SCRN1: variants seen among roughly 807,000 people sequenced by gnomAD.
SCRN1 encodes secernin 1.
In SCRN1, 19 loss-of-function variants were observed where a neutral mutation model predicts 43.3. The ratio of observed to expected loss-of-function variants is 0.44; its 90% CI spans 0.31 to 0.64. The LOEUF is 0.64. Ranked by LOEUF, SCRN1 falls within the 30% of genes least tolerant of loss-of-function variation. The pLI, the probability that SCRN1 is intolerant of heterozygous loss-of-function variation, is 0.09. For synonymous variants in SCRN1, 183 were observed against 188.9 expected (o/e 0.97, Z 0.26); for missense variants, 447 against 524.1 (o/e 0.85, Z 1.44).
chr7:29,947,080 C>T (rs1787759559), intron 3 of SCRN1: 2 of 1,279,670 alleles, frequency 1.6e-6, no homozygotes, highest in Non-Finnish European at 2.1e-6. Flanking sequence ...CTGGGCAGGA[C>T]CAGGACAGGG....
chr7:29,959,416 G>A (rs765210045), intron 2 of SCRN1, among the ~76,000 whole-genome samples: 3 of 152,072 alleles, frequency 2.0e-5, no homozygotes, highest in East Asian at 1.9e-4. Context: ...TTATATATGT[G>A]TGTGTGTGTA....
At chr7:29,967,689 A>G (rs1788541411) in intron 2 of SCRN1, among the ~76,000 whole-genome samples, 1 of 152,214 alleles carries the variant, frequency 6.6e-6, no homozygotes, top group Admixed American at 6.5e-5. Flanking sequence ...ACTACTTAAC[A>G]TAAAACCCGA....
At chr7:29,926,720 C>G in intron 6 of SCRN1, 88 bp from the exon 7 acceptor site, 1 of 1,259,486 alleles carries the variant, frequency 7.9e-7, no homozygotes, top group Non-Finnish European at 1.1e-6. Flanking sequence ...CAAACATTTC[C>G]CAAGCCAACT....
chr7:29,967,003 CA>C (rs1788518752), intron 2 of SCRN1, among the ~76,000 whole-genome samples: 2 of 151,808 alleles, frequency 1.3e-5, no homozygotes, highest in African/African-American at 4.8e-5. Flanking sequence ...AAAGAAAATA[CA>C]AATTGATGAA....
At chr7:29,924,393 C>T (rs1333954942) in intron 7 of SCRN1, among the ~76,000 whole-genome samples, 1 of 152,250 alleles carries the variant, frequency 6.6e-6, no homozygotes, top group East Asian at 1.9e-4. Context: ...TCCAAGACCA[C>T]TTCCCCTGCA....
At chr7:29,986,843 G>A (rs1789175967) in intron 1 of SCRN1, among the ~76,000 whole-genome samples, 1 of 147,992 alleles carries the variant, frequency 6.8e-6, no homozygotes, top group African/African-American at 2.5e-5. Context: ...TCCTGCCTCA[G>A]CCTCCCAAGT....
chr7:29,962,709 AATAAC>A (rs984937263), intron 2 of SCRN1, among the ~76,000 whole-genome samples: 1 of 147,382 alleles, frequency 6.8e-6, no homozygotes, highest in African/African-American at 2.7e-5. Flanking sequence ...AATAAAATAA[AATAAC>A]ATAAAATAAC....
intron 3 of SCRN1, among the ~76,000 whole-genome samples, chr7:29,949,337 A>C (rs1583668527): frequency 7.0e-6 from 1 of 142,556 alleles, no homozygotes; most frequent in South Asian, 2.3e-4. Context: ...AAAAAAGGGC[A>C]CCCTAACAAC....
chr7:29,970,478 T>C (rs1788634059), intron 1 of SCRN1, among the ~76,000 whole-genome samples: 1 of 152,202 alleles, frequency 6.6e-6, no homozygotes, highest in Non-Finnish European at 1.5e-5. Context: ...TACACTCTCA[T>C]AGAATCCTGT....
chr7:29,955,762 G>A (rs1338233267), intron 2 of SCRN1, among the ~76,000 whole-genome samples: 1 of 152,202 alleles, frequency 6.6e-6, no homozygotes, highest in Non-Finnish European at 1.5e-5. Context: ...GCAGGTAAAA[G>A]GGAAGATCTT....
intron 1 of SCRN1, among the ~76,000 whole-genome samples, chr7:29,972,896 T>C (rs1788708353): frequency 6.6e-6 from 1 of 152,232 alleles, no homozygotes; most frequent in Non-Finnish European, 1.5e-5. Context: ...TTCCATTTTA[T>C]TCAAAACGTA....
chr7:29,982,139 T>C lies in SCRN1; in HGVS notation c.-2+7503A>G, dbSNP rs574613200. 2.0e-5 allele frequency among the ~76,000 whole-genome samples: 3 copies of C among 152,364 alleles called. No individual in the cohort carries two copies. In the South Asian group the frequency reaches 6.2e-4, roughly 32 times the overall value. On this transcript the variant is annotated intron_variant, in intron 1 of 7. Coordinates refer to ENST00000242059, the MANE Select transcript of SCRN1 (RefSeq NM_014766.5). ...ACTTTTAAAAAATTGACAAAGTGTT[T>C]CCAGTGTTCCTCTGGGTCTGTGATT...
intron 1 of SCRN1, among the ~76,000 whole-genome samples, chr7:29,975,709 G>T (rs1232464796): frequency 6.6e-6 from 1 of 152,180 alleles, no homozygotes; most frequent in Non-Finnish European, 1.5e-5. Context: ...CAGGCTAAAA[G>T]GGCAGGTCTG....
chr7:29,924,298 G>T (rs996506722), intron 7 of SCRN1, among the ~76,000 whole-genome samples, 183 bp from the exon 8 acceptor site: 1 of 152,148 alleles, frequency 6.6e-6, no homozygotes, highest in Non-Finnish European at 1.5e-5. Flanking sequence ...GTCACTGCCC[G>T]GCTTAGAACA....
chr7:29,954,841 C>T (rs563639879), intron 3 of SCRN1, among the ~76,000 whole-genome samples: 7 of 152,192 alleles, frequency 4.6e-5, no homozygotes, highest in Non-Finnish European at 7.4e-5. Context: ...GCACCACGTT[C>T]GGCTAATTTT....
chr7:29,966,363 G>A (rs1043113849), intron 2 of SCRN1, among the ~76,000 whole-genome samples: 2 of 152,190 alleles, frequency 1.3e-5, no homozygotes, highest in Non-Finnish European at 2.9e-5. Flanking sequence ...CTTCACACTG[G>A]AAGAAGGGCA....
chr7:29,978,932 A>C, intron 1 of SCRN1, among the ~76,000 whole-genome samples: 1 of 152,270 alleles, frequency 6.6e-6, no homozygotes, highest in East Asian at 1.9e-4. Flanking sequence ...GGAAATATAG[A>C]GTTCAACGGA....
intron 2 of SCRN1, among the ~76,000 whole-genome samples, chr7:29,964,973 G>T (rs1788441944): frequency 6.7e-6 from 1 of 149,438 alleles, no homozygotes; most frequent in African/African-American, 2.5e-5. Context: ...TATATATACT[G>T]TGTCAATATT....
intron 6 of SCRN1, among the ~76,000 whole-genome samples, chr7:29,928,342 C>T (rs1583648432): frequency 6.6e-6 from 1 of 152,248 alleles, no homozygotes; most frequent in East Asian, 1.9e-4. Context: ...AAGAGCACTA[C>T]TAAAGACACA....
Sources: allele counts gnomAD v4.1 joint callset (sites outside exome capture counted in the v4.1 genomes callset), GRCh38; gene constraint gnomAD v4.1.1; transcripts MANE v1.5; gene names NCBI Gene and HGNC (gene_info 2026-07-23, HGNC 2026-07-21).